The following GALNT17 variants were observed in gnomAD, a reference collection of about 807,000 sequenced individuals.
GALNT17 encodes the protein UDP-GalNAc:polypeptide N-acetylgalactosaminyltransferase-like 3.
Under a neutral mutation model 63.7 loss-of-function variants are expected in GALNT17, and 29 were observed. That is an observed-to-expected ratio of 0.46 (90% CI 0.34 to 0.62). The LOEUF (loss-of-function observed/expected upper bound fraction) is 0.62. GALNT17 is among the 20% of genes least tolerant of loss of function. GALNT17 has a pLI of 0.01. For missense variants in GALNT17, 603 were observed against 799.6 expected (o/e 0.75, Z 2.97); for synonymous variants, 305 against 318.3 (o/e 0.96, Z 0.45).
intron 1 of GALNT17, among the ~76,000 whole-genome samples, chr7:71,196,842 C>G (rs139488149): frequency 6.6e-6 from 1 of 151,662 alleles, no homozygotes; most frequent in African/African-American, 2.4e-5. Flanking sequence ...TTAGTAGAGA[C>G]GGGGTTTCAC....
At chr7:71,614,563 C>T (rs10266681) in intron 6 of GALNT17, among the ~76,000 whole-genome samples, 9 of 151,570 alleles carry the variant, frequency 5.9e-5, no homozygotes, top group Non-Finnish European at 1.2e-4. Flanking sequence ...AAAGCTGCAA[C>T]GAGCAGTGAT....
Position 71,670,035 on chromosome 7 carries a change from A to G in GALNT17, c.1330A>G (p.Lys444Glu). 1.2e-6 allele frequency: 2 copies of G among 1,614,198 alleles called. 1 individual carries two copies. Among genetic ancestry groups the G allele is most frequent in the South Asian group, 2.2e-5 (2 of 91,086 alleles). ...RRALRKSLKC[K>E]NFQWYLDHVY... Reference sequence around the variant, plus strand: ...AGCATTAAGGAAAAGTTTAAAGTGTAAGAATTTCCAGTGGTACCTGGACCA... The same window carrying G: ...AGCATTAAGGAAAAGTTTAAAGTGTGAGAATTTCCAGTGGTACCTGGACCA... Residue 444 changes from lysine to glutamate, a missense_variant, in exon 8 of 11, where the codon AAG becomes GAG. Lys to Glu is a moderately conservative substitution (Grantham distance 56). Transcript: ENST00000333538.
chr7:71,549,527 G>A (rs1281180966), intron 5 of GALNT17, among the ~76,000 whole-genome samples: 2 of 152,138 alleles, frequency 1.3e-5, no homozygotes, highest in Admixed American at 6.6e-5. Flanking sequence ...AGTGAGCTAC[G>A]ATCATGCCAT....
intron 1 of GALNT17, among the ~76,000 whole-genome samples, chr7:71,166,353 A>G (rs1788440513): frequency 6.6e-6 from 1 of 152,222 alleles, no homozygotes; most frequent in African/African-American, 2.4e-5. Flanking sequence ...TTATTGAGGT[A>G]TAATTGACAT....
At chr7:71,222,359 CTCGGCTCA>C (rs1789602545) in intron 1 of GALNT17, among the ~76,000 whole-genome samples, 1 of 152,140 alleles carries the variant, frequency 6.6e-6, no homozygotes, top group African/African-American at 2.4e-5. Context: ...GTGGCTCGAT[CTCGGCTCA>C]CTGCAACCTC....
At chr7:71,308,403 G>T (rs1296696674) in intron 1 of GALNT17, among the ~76,000 whole-genome samples, 2 of 152,134 alleles carry the variant, frequency 1.3e-5, no homozygotes, top group African/African-American at 4.8e-5. Flanking sequence ...TTCAAAAGAG[G>T]CATTGGGGCT....
At chr7:71,698,692 A>G (rs760566818) in intron 9 of GALNT17, among the ~76,000 whole-genome samples, 7 of 152,108 alleles carry the variant, frequency 4.6e-5, no homozygotes, top group Admixed American at 6.6e-5. Context: ...CAAGTAGAGG[A>G]GAAAGAAGGA....
intron 1 of GALNT17, among the ~76,000 whole-genome samples, chr7:71,321,470 G>C (rs941703816): frequency 6.6e-6 from 1 of 152,174 alleles, no homozygotes; most frequent in Admixed American, 6.5e-5. Context: ...TGAGATCCTC[G>C]CCATCACAGT....
chr7:71,347,216 A>G (rs543936176), intron 2 of GALNT17, among the ~76,000 whole-genome samples: 1 of 152,288 alleles, frequency 6.6e-6, no homozygotes, highest in Admixed American at 6.5e-5. Flanking sequence ...AAAAACCTTC[A>G]TGAGAGAGTT....
At chr7:71,539,169 T>G (rs1788847396) in intron 5 of GALNT17, among the ~76,000 whole-genome samples, 1 of 152,120 alleles carries the variant, frequency 6.6e-6, no homozygotes, top group Non-Finnish European at 1.5e-5. Context: ...TGACCTCAAG[T>G]GATCTGCACC....
At chr7:71,633,393 AC>A (rs774146462) in intron 6 of GALNT17, among the ~76,000 whole-genome samples, 1 of 152,280 alleles carries the variant, frequency 6.6e-6, no homozygotes, top group Middle Eastern at 3.4e-3. Context: ...GACTGAGGCT[AC>A]GCAGTTTGTC....
intron 5 of GALNT17, among the ~76,000 whole-genome samples, chr7:71,469,261 C>T (rs1489029613): frequency 6.6e-6 from 1 of 152,132 alleles, no homozygotes; most frequent in Non-Finnish European, 1.5e-5. Flanking sequence ...TCCCAAAGAT[C>T]TGAGTTCAAA....
chr7:71,346,506 C>T (rs1792098242), intron 2 of GALNT17, among the ~76,000 whole-genome samples: 1 of 152,068 alleles, frequency 6.6e-6, no homozygotes, highest in Non-Finnish European at 1.5e-5. Context: ...GTAAATGAGG[C>T]AAGGTGGCCT....
At chr7:71,234,028 C>T (rs886822834) in intron 1 of GALNT17, among the ~76,000 whole-genome samples, 1 of 152,062 alleles carries the variant, frequency 6.6e-6, no homozygotes, top group Non-Finnish European at 1.5e-5. Flanking sequence ...GGGAAATCTG[C>T]CCCCGTGATC....
intron 7 of GALNT17, among the ~76,000 whole-genome samples, chr7:71,668,103 GT>G (rs1791012981): frequency 6.6e-6 from 1 of 152,122 alleles, no homozygotes; most frequent in African/African-American, 2.4e-5. Context: ...CTGGCCTCAA[GT>G]TTTGACCTGG....
chr7:71,709,072 T>C (rs1791756859), intron 9 of GALNT17, among the ~76,000 whole-genome samples: 1 of 152,252 alleles, frequency 6.6e-6, no homozygotes, highest in African/African-American at 2.4e-5. Context: ...TTTGGGTAGA[T>C]ACCCAGTAAT....
At chr7:71,325,456 T>C (rs181232549) in intron 1 of GALNT17, among the ~76,000 whole-genome samples, 32 of 152,290 alleles carry the variant, frequency 2.1e-4, no homozygotes, top group African/African-American at 5.1e-4. Flanking sequence ...CCAGATTGCA[T>C]TTTGCTGTGG....
intron 5 of GALNT17, among the ~76,000 whole-genome samples, chr7:71,426,730 G>A (rs988581126): frequency 1.3e-5 from 2 of 152,086 alleles, no homozygotes; most frequent in Non-Finnish European, 2.9e-5. Context: ...GACCAGCCTA[G>A]CCAACATGGA....
chr7:71,217,275 C>CT (rs1051359945), intron 1 of GALNT17, among the ~76,000 whole-genome samples: 14 of 150,300 alleles, frequency 9.3e-5, no homozygotes, highest in African/African-American at 3.4e-4. Flanking sequence ...GTGCCCGGTG[C>CT]TTTTTTTTCT....
Sources: gnomAD v4.1 joint callset for allele counts (sites outside exome capture counted in the v4.1 genomes callset) on GRCh38, gnomAD v4.1.1 for gene constraint, MANE v1.5 for transcripts, NCBI Gene and HGNC (gene_info 2026-07-23, HGNC 2026-07-21) for gene names.